SLC24A2: variants seen among roughly 807,000 people sequenced by gnomAD.
SLC24A2 encodes the protein sodium/potassium/calcium exchanger 2.
A neutral mutation model predicts 62.0 loss-of-function variants in SLC24A2; 36 were observed. The observed-to-expected ratio is 0.58, with a 90% confidence interval of 0.44 to 0.77. The LOEUF is 0.77. SLC24A2 is among the 30% of genes least tolerant of loss of function. The pLI is 0.00. For synonymous variants in SLC24A2, 358 were observed against 294.0 expected (o/e 1.22, Z -2.23); for missense variants, 846 against 817.9 (o/e 1.03, Z -0.42).
the SLC24A2 span, among the ~76,000 whole-genome samples, chr9:20,039,312 T>G: frequency 1.3e-5 from 2 of 151,122 alleles, no homozygotes; most frequent in African/African-American, 2.4e-5. Context: ...TGCAGGGGAG[T>G]GGGGCAGATG....
the SLC24A2 span, among the ~76,000 whole-genome samples, chr9:20,277,511 G>C: frequency 2.0e-5 from 3 of 151,830 alleles, no homozygotes; most frequent in Non-Finnish European, 2.9e-5. Flanking sequence ...GGCCATCAGA[G>C]AAATGCAAAT....
At chr9:19,675,419 C>T (rs1255917524) in intron 2 of SLC24A2, among the ~76,000 whole-genome samples, 1 of 152,050 alleles carries the variant, frequency 6.6e-6, no homozygotes, top group African/African-American at 2.4e-5. Context: ...CTAGAGCTGC[C>T]AAGAGATTGT....
chr9:19,996,050 T>C, the SLC24A2 span, among the ~76,000 whole-genome samples: 2 of 152,204 alleles, frequency 1.3e-5, no homozygotes, highest in African/African-American at 4.8e-5. Context: ...TTCAGAGACA[T>C]AGAGCTAGAA....
rs144884255 is a variant in SLC24A2, at chr9:19,647,635, T to G, written c.931-25336A>C. Reference sequence around the variant, plus strand: ...ATATACAGATACAAGAGAAGAACATTTCTGGATTTAGATGAAAGGGGAAAA... The same window carrying G: ...ATATACAGATACAAGAGAAGAACATGTCTGGATTTAGATGAAAGGGGAAAA... On this transcript the variant is annotated intron_variant, in intron 2 of 10. Transcript: ENST00000341998. 1.2e-3 allele frequency among the ~76,000 whole-genome samples: 181 copies of G among 152,274 alleles called. 2 individuals carry two copies. The highest frequency in any genetic ancestry group is 3.7e-3 in the African/African-American group (153 of 41,550).
chr9:20,126,000 C>T, the SLC24A2 span, among the ~76,000 whole-genome samples: 2 of 152,196 alleles, frequency 1.3e-5, no homozygotes, highest in African/African-American at 4.8e-5. Context: ...CCTGCCACTT[C>T]AGGGCATTAT....
chr9:19,921,078 T>G, the SLC24A2 span, among the ~76,000 whole-genome samples: 8 of 135,682 alleles, frequency 5.9e-5, no homozygotes, highest in African/African-American at 1.1e-4. Context: ...ATAATTATTA[T>G]GGGGGGGGGG....
At chr9:19,718,859 A>C (rs1316548630) in intron 2 of SLC24A2, among the ~76,000 whole-genome samples, 1 of 152,118 alleles carries the variant, frequency 6.6e-6, no homozygotes, top group African/African-American at 2.4e-5. Context: ...TATTTCCCTC[A>C]TGACTCTCTC....
In SLC24A2 at chr9:19,712,240, C is replaced by T. The variant is rs1051271214; in HGVS notation, c.930+73697G>A. Among the ~76,000 whole-genome samples the T allele has an allele frequency of 1.4e-4, 21 of 152,252 alleles. 1 individual carries two copies. The highest frequency in any genetic ancestry group is 4.6e-4 in the African/African-American group (19 of 41,552). ...GCTAGTACACTGGAGGAACTGAATG[C>T]TTAATTTTATTTCATTTTCACTAAC... On this transcript the variant is annotated intron_variant, in intron 2 of 10. Coordinates refer to ENST00000341998, the MANE Select transcript of SLC24A2 (RefSeq NM_020344.4).
intron 7 of SLC24A2, among the ~76,000 whole-genome samples, chr9:19,552,810 G>A (rs1834910363): frequency 6.6e-6 from 1 of 152,198 alleles, no homozygotes; most frequent in Admixed American, 6.5e-5. Flanking sequence ...ATCTGCCAAA[G>A]TCACCAGGCA....
the SLC24A2 span, among the ~76,000 whole-genome samples, chr9:20,240,230 T>C: frequency 6.6e-6 from 1 of 152,262 alleles, no homozygotes; most frequent in Non-Finnish European, 1.5e-5. Context: ...CTATGAGATA[T>C]GTAAATATTC....
the SLC24A2 span, among the ~76,000 whole-genome samples, chr9:20,004,554 A>G: frequency 6.6e-6 from 1 of 152,222 alleles, no homozygotes. Flanking sequence ...ATTTTGTTTT[A>G]TTGAACAATG....
At chr9:19,620,622 C>A (rs896578506) in intron 3 of SLC24A2, among the ~76,000 whole-genome samples, 1 of 152,200 alleles carries the variant, frequency 6.6e-6, no homozygotes, top group African/African-American at 2.4e-5. Context: ...TAAAAACTCC[C>A]AAACCCTCTG....
the SLC24A2 span, among the ~76,000 whole-genome samples, chr9:20,293,319 G>T: frequency 2.6e-5 from 4 of 152,124 alleles, no homozygotes; most frequent in African/African-American, 7.2e-5. Flanking sequence ...GGTAGGGTTG[G>T]CTCCCAAAGA....
At chr9:19,527,388 C>G (rs933913906) in intron 9 of SLC24A2, among the ~76,000 whole-genome samples, 3 of 152,040 alleles carry the variant, frequency 2.0e-5, no homozygotes, top group Non-Finnish European at 4.4e-5. Context: ...AGGCTTTGAA[C>G]CTATGTATAG....
intron 5 of SLC24A2, among the ~76,000 whole-genome samples, chr9:19,583,610 C>G (rs146147255): frequency 6.6e-6 from 1 of 152,084 alleles, no homozygotes. Flanking sequence ...GCTTCCTGTA[C>G]GCCAATGACC....
the SLC24A2 span, among the ~76,000 whole-genome samples, chr9:19,979,824 C>G: frequency 6.6e-6 from 1 of 152,316 alleles, no homozygotes; most frequent in Admixed American, 6.5e-5. Flanking sequence ...TAAATCTTGA[C>G]TTTGTCACTC....
chr9:19,586,367 G>C (rs767052210), intron 5 of SLC24A2, among the ~76,000 whole-genome samples: 16 of 152,228 alleles, frequency 1.1e-4, no homozygotes, highest in Non-Finnish European at 1.6e-4. Context: ...AAACAACAAA[G>C]AATATGACAT....
the SLC24A2 span, among the ~76,000 whole-genome samples, chr9:20,046,266 A>G: frequency 6.6e-6 from 1 of 152,220 alleles, no homozygotes; most frequent in African/African-American, 2.4e-5. Context: ...ATCCATCTTC[A>G]TACTGTCTAA....
chr9:20,043,864 G>A, the SLC24A2 span, among the ~76,000 whole-genome samples: 3 of 152,170 alleles, frequency 2.0e-5, no homozygotes, highest in Non-Finnish European at 4.4e-5. Flanking sequence ...TGAGAGGACT[G>A]ACCGATTTTG....
Sources: allele counts gnomAD v4.1 joint callset (sites outside exome capture counted in the v4.1 genomes callset), GRCh38; gene constraint gnomAD v4.1.1; transcripts MANE v1.5; gene names NCBI Gene and HGNC (gene_info 2026-07-23, HGNC 2026-07-21).